RSPH14: variants seen among roughly 807,000 people sequenced by gnomAD.
RSPH14 encodes rhabdoid tumor deletion region gene 1.
In RSPH14, 20 loss-of-function variants were observed where a neutral mutation model predicts 26.7. The ratio of observed to expected loss-of-function variants is 0.75; its 90% CI spans 0.53 to 1.09. RSPH14 has a LOEUF of 1.09. Ranked by LOEUF, RSPH14 falls within the 50% of genes least tolerant of loss-of-function variation. RSPH14 has a pLI of 0.00. For missense variants in RSPH14, 449 were observed against 457.2 expected (o/e 0.98, Z 0.16); for synonymous variants, 177 against 189.3 (o/e 0.93, Z 0.53).
chr22:23,068,718 T>C (rs1056092387), intron 4 of RSPH14, among the ~76,000 whole-genome samples: 2 of 152,234 alleles, frequency 1.3e-5, no homozygotes, highest in Non-Finnish European at 2.9e-5. Context: ...TCCCAAGACA[T>C]GCTAATATGC....
intron 4 of RSPH14, among the ~76,000 whole-genome samples, chr22:23,075,016 A>G (rs1318069023): frequency 6.6e-6 from 1 of 152,222 alleles, no homozygotes; most frequent in Non-Finnish European, 1.5e-5. Flanking sequence ...AAGTAAAACT[A>G]AAATTATGCA....
upstream of RSPH14, chr22:23,145,242 G>A: frequency 6.0e-6 from 5 of 837,610 alleles, no homozygotes; most frequent in South Asian, 3.1e-5. Context: ...GGCCTCCATA[G>A]CCCCGCCCAC....
In RSPH14 at chr22:23,078,839, G is replaced by A. The variant is rs569475286; in HGVS notation, c.422-14706C>T. Among the ~76,000 whole-genome samples the A allele has an allele frequency of 2.0e-5, 3 of 152,342 alleles. No individual in the cohort carries two copies. In the South Asian group the frequency reaches 6.2e-4, roughly 32 times the overall value. On this transcript the variant is annotated intron_variant, in intron 4 of 6. Transcript: ENST00000216036. ...GCCCCAAAGGGCTTACAAGATGAGG[G>A]GACATCCTGGCTCCCGGGCCTGAGG... is the stretch of plus-strand genomic sequence containing the variant.
At chr22:23,097,943 C>G (rs1193368503) in intron 4 of RSPH14, among the ~76,000 whole-genome samples, 1 of 152,264 alleles carries the variant, frequency 6.6e-6, no homozygotes, top group Non-Finnish European at 1.5e-5. Context: ...CATCCTTTGA[C>G]AGGCCGTGCC....
intron 4 of RSPH14, among the ~76,000 whole-genome samples, chr22:23,117,370 A>C (rs1034330951): frequency 6.6e-6 from 1 of 152,252 alleles, no homozygotes; most frequent in Non-Finnish European, 1.5e-5. Flanking sequence ...AAGGGGCCAC[A>C]GGAGCCTCCC....
At chr22:23,083,492 TTCC>T (rs1473848829) in intron 4 of RSPH14, among the ~76,000 whole-genome samples, 1 of 152,166 alleles carries the variant, frequency 6.6e-6, no homozygotes, top group Non-Finnish European at 1.5e-5. Flanking sequence ...TTTTTTGGTG[TTCC>T]TCCATCTATC....
intron 4 of RSPH14, among the ~76,000 whole-genome samples, chr22:23,130,161 A>G (rs374058405): frequency 1.8e-3 from 250 of 138,506 alleles, no homozygotes; most frequent in African/African-American, 2.5e-3. Context: ...GAAAGAAAGA[A>G]AAAGAAAAAG....
rs531794269 is a variant in RSPH14, at chr22:23,141,286, G to A, written c.-53+663C>T. ...GGAGGTTCCAGTAAGCCAAGATCGC[G>A]CCACTGCACTCCAGCCTGGCGACAA... On this transcript the variant is annotated intron_variant, in intron 1 of 6. Coordinates refer to ENST00000216036, the MANE Select transcript of RSPH14 (RefSeq NM_014433.3). Among the ~76,000 whole-genome samples the A allele has an allele frequency of 7.2e-5, 10 of 138,852 alleles. No homozygotes were observed. The South Asian group carries it at 1.3e-3, about 18-fold the overall frequency. 91.1% of individuals were successfully genotyped at this position (138,852 alleles called of 152,430 possible). A position where few individuals can be genotyped will look rare whatever the true frequency, so the allele number is the denominator to read the frequency against.
At chr22:23,091,285 C>CAG (rs1041194913) in intron 4 of RSPH14, among the ~76,000 whole-genome samples, 1 of 152,238 alleles carries the variant, frequency 6.6e-6, no homozygotes, top group Non-Finnish European at 1.5e-5. Context: ...TGCACTCTCA[C>CAG]AGACACAAAC....
chr22:23,177,133 C>G, the RSPH14 span, among the ~76,000 whole-genome samples: 1 of 152,244 alleles, frequency 6.6e-6, no homozygotes, highest in Non-Finnish European at 1.5e-5. Flanking sequence ...CTACTGCCTA[C>G]ACCAGCCTCA....
At chr22:23,070,085 C>A (rs938318555) in intron 4 of RSPH14, among the ~76,000 whole-genome samples, 14 of 152,244 alleles carry the variant, frequency 9.2e-5, no homozygotes, top group African/African-American at 2.9e-4. Flanking sequence ...GGTGGAACGC[C>A]GGCGCGGGGA....
intron 4 of RSPH14, among the ~76,000 whole-genome samples, chr22:23,103,506 G>A (rs147560243): frequency 5.3e-5 from 8 of 152,210 alleles, no homozygotes; most frequent in East Asian, 1.9e-4. Context: ...CTGTGGCCGC[G>A]TGGGTTGCAT....
chr22:23,132,113 G>A (rs1199247444), intron 4 of RSPH14, among the ~76,000 whole-genome samples: 2 of 152,174 alleles, frequency 1.3e-5, no homozygotes, highest in Non-Finnish European at 2.9e-5. Flanking sequence ...TATACACCAG[G>A]CCAGTGTTTC....
chr22:23,137,720 A>C, intron 3 of RSPH14: 2 of 183,472 alleles, frequency 1.1e-5, no homozygotes, highest in Non-Finnish European at 2.1e-5. Context: ...GGCCCCCTTT[A>C]TCCGAAAGAC....
the RSPH14 span, among the ~76,000 whole-genome samples, chr22:23,158,618 C>G: frequency 6.6e-6 from 1 of 152,220 alleles, no homozygotes; most frequent in Non-Finnish European, 1.5e-5. Flanking sequence ...GATAAACATG[C>G]AGGGCTCATG....
At chr22:23,155,931 T>C in the RSPH14 span, 2 of 1,575,812 alleles carry the variant, frequency 1.3e-6, no homozygotes, top group Admixed American at 1.8e-5. Flanking sequence ...TTGTGTAGCC[T>C]GACACCATTT....
intron 4 of RSPH14, among the ~76,000 whole-genome samples, chr22:23,100,134 C>A (rs981081876): frequency 6.6e-6 from 1 of 152,216 alleles, no homozygotes; most frequent in African/African-American, 2.4e-5. Context: ...AAGGCTCAGG[C>A]TGGGGCCAAG....
At chr22:23,178,481 A>C in the RSPH14 span, among the ~76,000 whole-genome samples, 1 of 151,878 alleles carries the variant, frequency 6.6e-6, no homozygotes, top group Admixed American at 6.6e-5. Context: ...CTGGGATTCC[A>C]GCCCCTTTAG....
At chr22:23,146,568 A>G (rs756878386), upstream of RSPH14, 1 of 1,606,278 alleles carries the variant, frequency 6.2e-7, no homozygotes, top group East Asian at 2.2e-5. Context: ...GTATTTGCAC[A>G]GCTCCTTAAC....
Sources: allele counts gnomAD v4.1 joint callset (sites outside exome capture counted in the v4.1 genomes callset), GRCh38; gene constraint gnomAD v4.1.1; transcripts MANE v1.5; gene names NCBI Gene and HGNC (gene_info 2026-07-23, HGNC 2026-07-21).